Variants in NRCAM observed in about 807,000 individuals in gnomAD.
NRCAM encodes the protein NgCAM-related cell adhesion molecule.
NRCAM carries 83 observed loss-of-function variants against 156.5 expected under a neutral mutation model. The ratio of observed to expected loss-of-function variants is 0.53; its 90% CI spans 0.44 to 0.64. The LOEUF (loss-of-function observed/expected upper bound fraction) is 0.64, where lower values mean the gene tolerates loss of function less well. NRCAM is among the 30% of genes least tolerant of loss of function. NRCAM has a pLI of 0.00. For missense variants in NRCAM, 1,417 were observed against 1,597.3 expected (o/e 0.89, Z 1.92); for synonymous variants, 538 against 563.9 (o/e 0.95, Z 0.65).
At chr7:108,232,040 T>C (rs935933911) in intron 7 of NRCAM, among the ~76,000 whole-genome samples, 2 of 152,086 alleles carry the variant, frequency 1.3e-5, no homozygotes, top group Non-Finnish European at 2.9e-5. Context: ...AGGAGATACA[T>C]GAGAAATAAA....
At chr7:108,357,551 G>A (rs2099514164) in intron 2 of NRCAM, among the ~76,000 whole-genome samples, 1 of 151,986 alleles carries the variant, frequency 6.6e-6, no homozygotes, top group Non-Finnish European at 1.5e-5. Context: ...GGCTGGTCTT[G>A]AACTCCTAAC....
At chr7:108,410,772 G>A (rs1048846832) in intron 1 of NRCAM, among the ~76,000 whole-genome samples, 5 of 152,116 alleles carry the variant, frequency 3.3e-5, no homozygotes, top group Admixed American at 6.5e-5. Flanking sequence ...GATAGTGGAG[G>A]AAGTGGTCCA....
At chr7:108,156,459 A>T (rs2045545689) in intron 32 of NRCAM, 1 of 980,916 alleles carries the variant, frequency 1.0e-6, no homozygotes, top group Admixed American at 6.2e-5. Flanking sequence ...CTGTATAATT[A>T]AAGAAACAAA....
rs1445344935 is a variant in NRCAM at position 108,234,614 on chromosome 7, G to T, written c.199C>A (p.Gln67Lys). ...GGCGGTTTCCCTTTGGCTTCACACT[G>T]GATTACAATATTCTCCCGAGGGTCA... is the stretch of plus-strand genomic sequence containing the variant. Reference protein sequence around the residue: ...IIDPRENIVIQCEAKGKPPPS... With the variant: ...IIDPRENIVIKCEAKGKPPPS... The change falls in exon 6 of 33, where the codon CAG becomes AAG. Residue 67 changes from glutamine to lysine, a missense_variant. Physicochemically the swap from Gln to Lys is moderately conservative, Grantham distance 53. Around this residue, in one of 2 missense-constraint regions of NRCAM, gnomAD observed 1,238 missense variants for 1,336.4 expected, o/e 0.93. Transcript: ENST00000379028. 3 of 1,612,548 alleles carry T rather than the reference G, an allele frequency of 1.9e-6. No homozygotes were observed. Among genetic ancestry groups the T allele is most frequent in the Non-Finnish European group, 2.5e-6 (3 of 1,179,046 alleles).
chr7:108,436,889 A>G (rs887111821), intron 1 of NRCAM, among the ~76,000 whole-genome samples: 1 of 152,230 alleles, frequency 6.6e-6, no homozygotes, highest in South Asian at 2.1e-4. Context: ...TAAAGCTACT[A>G]AAAGATCCAC....
intron 11 of NRCAM, among the ~76,000 whole-genome samples, chr7:108,217,975 A>T (rs577467266): frequency 1.3e-5 from 2 of 150,458 alleles, no homozygotes; most frequent in African/African-American, 4.9e-5. Flanking sequence ...ATGAAAAAAA[A>T]CTCCTGCAGC....
chr7:108,273,008 T>A (rs528504874), intron 3 of NRCAM, among the ~76,000 whole-genome samples: 8 of 152,324 alleles, frequency 5.3e-5, no homozygotes, highest in Admixed American at 3.9e-4. Flanking sequence ...TTTGGTTTTC[T>A]GTCTTTGTGA....
At chr7:108,391,670 T>A (rs1405906244) in intron 2 of NRCAM, among the ~76,000 whole-genome samples, 1 of 152,170 alleles carries the variant, frequency 6.6e-6, no homozygotes, top group East Asian at 1.9e-4. Context: ...TTCCTAGCCT[T>A]GATGGTCTTT....
intron 13 of NRCAM, 44 bp downstream of exon 13, chr7:108,207,484 G>A: frequency 6.3e-7 from 1 of 1,591,144 alleles, no homozygotes; most frequent in South Asian, 1.1e-5. Context: ...ATGTATATAT[G>A]CTCTGAAAAT....
intron 2 of NRCAM, among the ~76,000 whole-genome samples, chr7:108,320,830 G>C (rs1210196891): frequency 1.3e-5 from 2 of 152,144 alleles, no homozygotes; most frequent in African/African-American, 4.8e-5. Context: ...GCATAATACT[G>C]TGTGCTAACA....
At chr7:108,232,821 C>T (rs2094487681) in intron 6 of NRCAM, among the ~76,000 whole-genome samples, 1 of 152,026 alleles carries the variant, frequency 6.6e-6, no homozygotes. Context: ...AGCAGGTCTC[C>T]CAGGTACACT....
chr7:108,364,720 C>T (rs981134927), intron 2 of NRCAM, among the ~76,000 whole-genome samples: 13 of 141,994 alleles, frequency 9.2e-5, no homozygotes, highest in Admixed American at 7.3e-4. Context: ...AAAAACATTA[C>T]GCTAAGTCAA....
At chr7:108,259,061 T>G (rs554700090) in intron 3 of NRCAM, among the ~76,000 whole-genome samples, 1 of 152,326 alleles carries the variant, frequency 6.6e-6, no homozygotes, top group Non-Finnish European at 1.5e-5. Context: ...TGGGGCTGGC[T>G]AGTGGCTACT....
At chr7:108,199,214 T>G (rs1037237973) in intron 13 of NRCAM, among the ~76,000 whole-genome samples, 1 of 152,008 alleles carries the variant, frequency 6.6e-6, no homozygotes, top group African/African-American at 2.4e-5. Context: ...CACTCATCAC[T>G]GTATTTAGAC....
intron 1 of NRCAM, among the ~76,000 whole-genome samples, chr7:108,404,276 G>A (rs1426485262): frequency 6.6e-6 from 1 of 152,078 alleles, no homozygotes; most frequent in Admixed American, 6.6e-5. Flanking sequence ...TGCTGAATGG[G>A]TAAACTTTTC....
chr7:108,164,361 T>C (rs1014374059), intron 30 of NRCAM, among the ~76,000 whole-genome samples: 3 of 151,858 alleles, frequency 2.0e-5, no homozygotes, highest in Non-Finnish European at 2.9e-5. Flanking sequence ...AAATCCAGGG[T>C]ATAAAAGGGA....
At chr7:108,430,384 G>T (rs943449568) in intron 1 of NRCAM, among the ~76,000 whole-genome samples, 1 of 152,150 alleles carries the variant, frequency 6.6e-6, no homozygotes, top group African/African-American at 2.4e-5. Context: ...GGTGATGGAG[G>T]GAAGGGGTCC....
intron 30 of NRCAM, among the ~76,000 whole-genome samples, chr7:108,166,612 C>T (rs1297448554): frequency 1.3e-5 from 2 of 152,120 alleles, no homozygotes; most frequent in Non-Finnish European, 2.9e-5. Context: ...CAGTTTAACA[C>T]TGAGGGAAAG....
chr7:108,268,015 A>AAACAATGAAGCTTATATTTAGCC (rs6150282), intron 3 of NRCAM, among the ~76,000 whole-genome samples: 2 of 152,016 alleles, frequency 1.3e-5, no homozygotes, highest in Non-Finnish European at 2.9e-5. Context: ...CAGGATTTTT[A>AAACAATGAAGCTTATATTTAGCC]ATTTTCTCAT....
Sources: allele counts gnomAD v4.1 joint callset (sites outside exome capture counted in the v4.1 genomes callset), GRCh38; gene constraint gnomAD v4.1.1; regional missense constraint gnomAD v4.1.1; transcripts MANE v1.5; gene names NCBI Gene and HGNC (gene_info 2026-07-23, HGNC 2026-07-21).